Variants in CPA6 observed in about 807,000 individuals in gnomAD.
The protein encoded by CPA6 is carboxypeptidase B.
CPA6 carries 58 observed loss-of-function variants against 63.3 expected under a neutral mutation model. The observed-to-expected ratio is 0.92, with a 90% CI of 0.74 to 1.14. CPA6 has a LOEUF of 1.14. CPA6 is among the 50% of genes most tolerant of loss of function. CPA6 has a pLI of 0.00. For synonymous variants in CPA6, 185 were observed against 179.0 expected, an observed-to-expected ratio of 1.03 and a Z score of -0.27; for missense variants, 565 against 526.6, an observed-to-expected ratio of 1.07 and a Z score of -0.71.
At chr8:67,588,286 G>C (rs897200752) in intron 2 of CPA6, among the ~76,000 whole-genome samples, 8 of 152,158 alleles carry the variant, frequency 5.3e-5, no homozygotes, top group African/African-American at 1.9e-4. Context: ...AAGTCAGTCG[G>C]TTACTGATTA....
At chr8:67,582,927 G>A (rs1188607323) in intron 2 of CPA6, among the ~76,000 whole-genome samples, 8 of 152,002 alleles carry the variant, frequency 5.3e-5, no homozygotes. Flanking sequence ...GGGTTTTGTG[G>A]GGTTGATAGT....
In CPA6 at chr8:67,517,937, G is replaced by T; in HGVS notation, c.303C>A (p.Ala101=). ...SRALLAFLQE[A]NIQYKVLIED... is the part of the protein sequence containing the mutation. ...GGAATGCTTACTTGTACTGGATGTT[G>T]GCTTCCTGTAAGAAGGCTAACAGGG... The change falls in exon 3 of 11, where the codon GCC becomes GCA. Residue 101 remains alanine, a synonymous_variant. Transcript: ENST00000297770. 6.2e-7 allele frequency: 1 copy of T among 1,610,570 alleles called. No individual in the cohort carries two copies. The highest frequency in any genetic ancestry group is 8.5e-7 in the Non-Finnish European group (1 of 1,178,878).
intron 8 of CPA6, among the ~76,000 whole-genome samples, chr8:67,466,053 T>G (rs1027693360): frequency 1.3e-5 from 2 of 151,636 alleles, no homozygotes; most frequent in Non-Finnish European, 2.9e-5. Context: ...TCTGGCAGAA[T>G]GTAGCTGTGG....
At chr8:67,725,965 G>C (rs1817588721) in intron 1 of CPA6, among the ~76,000 whole-genome samples, 1 of 152,080 alleles carries the variant, frequency 6.6e-6, no homozygotes, top group Non-Finnish European at 1.5e-5. Context: ...GGATGACAAT[G>C]GGTACCCCAG....
intron 2 of CPA6, among the ~76,000 whole-genome samples, chr8:67,565,852 CA>C (rs929046115): frequency 1.6e-4 from 25 of 152,166 alleles, no homozygotes; most frequent in African/African-American, 5.5e-4. Context: ...AAAAAGCTTT[CA>C]AAAAAATATC....
chr8:67,548,484 A>G (rs1237779615), intron 2 of CPA6, among the ~76,000 whole-genome samples: 1 of 151,600 alleles, frequency 6.6e-6, no homozygotes, highest in African/African-American at 2.4e-5. Flanking sequence ...CTTTTTCCTC[A>G]GGTGATCTGC....
rs111955921 is a variant in CPA6, at chr8:67,614,743, C to T, written c.192+9433G>A. The stretch of plus-strand genomic sequence containing the variant: ...GCCCACATACTTCCCCAGGCTTGTG[C>T]CCAACTCTCTAAAACTCCCATGCCT... On this transcript the variant is annotated intron_variant, in intron 2 of 10. Transcript: ENST00000297770. Among the ~76,000 whole-genome samples the T allele has an allele frequency of 2.6e-5, 4 of 152,272 alleles. 1 individual carries two copies. The highest frequency in any genetic ancestry group is 9.6e-5 in the African/African-American group (4 of 41,548).
chr8:67,435,952 CT>C (rs1020067759), intron 8 of CPA6, among the ~76,000 whole-genome samples: 3 of 151,548 alleles, frequency 2.0e-5, no homozygotes, highest in African/African-American at 7.3e-5. Context: ...CCACTGATAG[CT>C]TCCTCCTTCT....
chr8:67,647,137 A>G (rs953719108), intron 1 of CPA6, among the ~76,000 whole-genome samples: 3 of 152,116 alleles, frequency 2.0e-5, no homozygotes, highest in African/African-American at 7.2e-5. Flanking sequence ...AAGATCTAGG[A>G]TCTATCAGAG....
At chr8:67,662,742 G>A (rs1184975942) in intron 1 of CPA6, among the ~76,000 whole-genome samples, 9 of 152,036 alleles carry the variant, frequency 5.9e-5, no homozygotes, top group East Asian at 1.9e-4. Context: ...ATGATAAAGC[G>A]CTTTATTATT....
At chr8:67,659,985 T>C (rs1211843202) in intron 1 of CPA6, among the ~76,000 whole-genome samples, 1 of 152,182 alleles carries the variant, frequency 6.6e-6, no homozygotes, top group Non-Finnish European at 1.5e-5. Flanking sequence ...CCCTCTACCG[T>C]GGAAAAGTTT....
intron 8 of CPA6, among the ~76,000 whole-genome samples, chr8:67,468,734 T>C (rs1810987532): frequency 6.6e-6 from 1 of 152,212 alleles, no homozygotes. Flanking sequence ...TTGAATAACA[T>C]GGCTTCTAGA....
chr8:67,507,870 A>C (rs1811962145), intron 5 of CPA6, among the ~76,000 whole-genome samples: 1 of 152,272 alleles, frequency 6.6e-6, no homozygotes, highest in Non-Finnish European at 1.5e-5. Context: ...CTGGAAGAGA[A>C]TCTGAGCGCA....
At chr8:67,620,129 A>G (rs766908810) in intron 2 of CPA6, among the ~76,000 whole-genome samples, 2 of 152,100 alleles carry the variant, frequency 1.3e-5, no homozygotes, top group Non-Finnish European at 2.9e-5. Context: ...CCTAGGGGCC[A>G]TTGGAATTCC....
chr8:67,496,559 T>TATATATATA (rs1811722289), intron 6 of CPA6, among the ~76,000 whole-genome samples: 1 of 105,268 alleles, frequency 9.5e-6, no homozygotes, highest in African/African-American at 4.6e-5. Flanking sequence ...ATATATATAT[T>TATATATATA]TATTTTATTT....
chr8:67,710,304 G>A (rs1817228586), intron 1 of CPA6, among the ~76,000 whole-genome samples: 1 of 151,926 alleles, frequency 6.6e-6, no homozygotes, highest in Admixed American at 6.6e-5. Context: ...TCTTACCAGA[G>A]TATAAAAGGT....
rs1046800026 is a variant in CPA6 at position 67,476,483 on chromosome 8, T to A, written c.838+7285A>T. Among the ~76,000 whole-genome samples, 5 of 151,936 alleles carry A rather than the reference T, an allele frequency of 3.3e-5. No individual in the cohort carries two copies. In the East Asian group the frequency reaches 9.6e-4, roughly 29 times the overall value. ...GTATGTGGTGGTCCAAGATCAGAAA[T>A]AGAAATAGTACCTGGGGGATCTTCC... On this transcript the variant is annotated intron_variant, in intron 8 of 10. Coordinates refer to ENST00000297770, the MANE Select transcript of CPA6 (RefSeq NM_020361.5).
intron 2 of CPA6, among the ~76,000 whole-genome samples, chr8:67,561,960 A>G (rs1261722939): frequency 6.6e-6 from 1 of 152,246 alleles, no homozygotes; most frequent in Non-Finnish European, 1.5e-5. Flanking sequence ...CTAGGACACT[A>G]TTAGCAATTG....
At chr8:67,733,196 CAAAAAAAAAAA>C (rs1211323183) in intron 1 of CPA6, among the ~76,000 whole-genome samples, 1 of 14,896 alleles carries the variant, frequency 6.7e-5, no homozygotes, top group African/African-American at 2.1e-4. Context: ...GACTCCATCT[CAAAAAAAAAAA>C]AAAAAAAAAA....
Sources: allele counts gnomAD v4.1 joint callset (sites outside exome capture counted in the v4.1 genomes callset), GRCh38; gene constraint gnomAD v4.1.1; transcripts MANE v1.5; gene names NCBI Gene and HGNC (gene_info 2026-07-23, HGNC 2026-07-21).